KMT2C: variants seen among roughly 807,000 people sequenced by gnomAD.
The protein encoded by KMT2C is lysine methyltransferase 2C, also known as histone-lysine N-methyltransferase 2C.
In KMT2C, 88 loss-of-function variants were observed where a neutral mutation model predicts 507.9. The observed-to-expected ratio is 0.17, with a 90% CI of 0.15 to 0.21. The LOEUF (loss-of-function observed/expected upper bound fraction) is 0.21, where lower values mean the gene tolerates loss of function less well. KMT2C is among the 10% of genes least tolerant of loss of function. The pLI is 1.00. For synonymous variants in KMT2C, 2,049 were observed against 2,080.8 expected (o/e 0.98, Z 0.42); for missense variants, 4,954 against 5,957.8 (o/e 0.83, Z 5.55).
intron 9 of KMT2C, among the ~76,000 whole-genome samples, chr7:152,258,114 T>C (rs927872904): frequency 2.0e-5 from 3 of 152,136 alleles, no homozygotes; most frequent in Non-Finnish European, 4.4e-5. Context: ...GGAATCTGGG[T>C]TACTTATTTA....
At chr7:152,362,304 G>C (rs1173660723) in intron 1 of KMT2C, among the ~76,000 whole-genome samples, 1 of 152,110 alleles carries the variant, frequency 6.6e-6, no homozygotes, top group Non-Finnish European at 1.5e-5. Context: ...GAGAGCAAGT[G>C]AGGGGGGTTA....
At chr7:152,377,232 AT>A (rs2097335757) in intron 1 of KMT2C, among the ~76,000 whole-genome samples, 1 of 132,572 alleles carries the variant, frequency 7.5e-6, no homozygotes, top group East Asian at 2.3e-4. Context: ...CTTACTGAAT[AT>A]TTTCAGTCCA....
chr7:152,148,819 T>A lies in KMT2C; in HGVS notation c.13108A>T (p.Thr4370Ser). 1 of 1,614,222 alleles carries A rather than the reference T, an allele frequency of 6.2e-7. No homozygotes were observed. Among genetic ancestry groups the A allele is most frequent in the Non-Finnish European group, 8.5e-7 (1 of 1,180,030 alleles). The change falls in exon 52 of 59, where the codon ACA (threonine) becomes TCA (serine). Residue 4370 changes from threonine to serine, a missense_variant. Transcript: ENST00000262189. The surrounding 1 kb of genome is among the most constrained non-coding windows in gnomAD (Gnocchi z 7.1). ...TCATCCTCACAAGGTGGTTTAAATG[T>A]CCCCTTAGGGATTACAATATGAATG... ...WSIHIVIPKG[T>S]FKPPCEDEID...
intron 2 of KMT2C, among the ~76,000 whole-genome samples, chr7:152,339,945 TAGTTATC>T: frequency 6.6e-6 from 1 of 152,098 alleles, no homozygotes; most frequent in Admixed American, 6.6e-5. Flanking sequence ...CATTATCGAC[TAGTTATC>T]CAAAAAATAT....
chr7:152,166,097 T>C (rs1010189406), intron 42 of KMT2C, among the ~76,000 whole-genome samples: 3 of 151,886 alleles, frequency 2.0e-5, no homozygotes, highest in African/African-American at 4.8e-5. Context: ...AAGTGCTTCC[T>C]ACAGTGTTCA....
At position 152,187,320 on chromosome 7, in the gene KMT2C, A is replaced by T. The variant is rs1392350117; in HGVS notation, c.4950T>A (p.Thr1650=). Reference sequence around the variant, plus strand: ...TATTGGTGTAGAGAACTGGGGCAACAGTTGCCATTTCACCCAGAGCCTCCT... The same window carrying T: ...TATTGGTGTAGAGAACTGGGGCAACTGTTGCCATTTCACCCAGAGCCTCCT... The part of the protein sequence containing the change: ...EKEEALGEMA[T]VAPVLYTNIN... Residue 1650 remains threonine, a synonymous_variant, in exon 33 of 59, where the codon ACT becomes ACA. Transcript: ENST00000262189. 1 of 1,614,046 alleles carries T rather than the reference A, an allele frequency of 6.2e-7. No individual in the cohort carries two copies.
chr7:152,156,355 G>A lies in KMT2C; in HGVS notation c.11671-9C>T, dbSNP rs1356126658. On this transcript the variant is annotated splice_polypyrimidine_tract_variant and intron_variant, in intron 44 of 58. Transcript: ENST00000262189. ...TTACTTAAATTATTCTGCTGCAGGA[G>A]ACCAAAAAATTTAAATTATATGCTA... 1.2e-6 allele frequency: 2 copies of A among 1,612,716 alleles called. No individual in the cohort carries two copies. Among genetic ancestry groups the A allele is most frequent in the African/African-American group, 2.7e-5 (2 of 74,830 alleles).
chr7:152,215,889 A>G (rs1300541964), intron 23 of KMT2C, among the ~76,000 whole-genome samples: 1 of 152,098 alleles, frequency 6.6e-6, no homozygotes, highest in Non-Finnish European at 1.5e-5. Flanking sequence ...CCAATTTTAA[A>G]TCATTTGAAT....
intron 39 of KMT2C, among the ~76,000 whole-genome samples, chr7:152,172,438 G>A (rs1337068082): frequency 1.3e-5 from 2 of 152,208 alleles, no homozygotes; most frequent in Non-Finnish European, 2.9e-5. Context: ...GCTCATGCCT[G>A]TAATTGCAGC....
intron 1 of KMT2C, among the ~76,000 whole-genome samples, chr7:152,393,088 T>A (rs2097512611): frequency 2.0e-5 from 3 of 152,026 alleles, no homozygotes; most frequent in African/African-American, 7.2e-5. Flanking sequence ...CAGAGTGAGA[T>A]CCTACCTCAA....
intron 2 of KMT2C, among the ~76,000 whole-genome samples, chr7:152,341,665 A>T (rs2096994004): frequency 6.6e-6 from 1 of 152,216 alleles, no homozygotes; most frequent in Admixed American, 6.5e-5. Flanking sequence ...TATAATTTTA[A>T]ATAATATACT....
At chr7:152,139,283 G>A (rs763776075) in intron 56 of KMT2C, 24 bp from the exon 57 acceptor site, 10 of 1,607,434 alleles carry the variant, frequency 6.2e-6, no homozygotes, top group Middle Eastern at 1.6e-4. Context: ...CAGTCAGTAA[G>A]TCATCAATGT....
At position 152,141,339 on chromosome 7, in the gene KMT2C, A is replaced by G. The variant is rs150379845; in HGVS notation, c.14344-1548T>C. On this transcript the variant is annotated intron_variant, in intron 55 of 58. Transcript: ENST00000262189. Reference sequence around the variant, plus strand: ...ACTCCATCTCAGAAAAGAGAAATAGATCCCTGCATGTATGAAAATCTAACG... The same window carrying G: ...ACTCCATCTCAGAAAAGAGAAATAGGTCCCTGCATGTATGAAAATCTAACG... 2.2e-3 allele frequency among the ~76,000 whole-genome samples: 339 copies of G among 151,912 alleles called. 3 individuals are homozygous for G. Among genetic ancestry groups the G allele is most frequent in the Middle Eastern group, 0.01 (3 of 292 alleles).
Position 152,222,646 on chromosome 7 carries a change from C to G in KMT2C, c.3360G>C (p.Glu1120Asp). The change falls in exon 21 of 59, where the codon GAG becomes GAC. Residue 1120 changes from glutamate to aspartate, a missense_variant. Physicochemically the swap from Glu to Asp is conservative, Grantham distance 45. Around this residue, in one of 29 missense-constraint regions of KMT2C, gnomAD observed 52 missense variants for 162.4 expected, o/e 0.32. Transcript: ENST00000262189. ...TGTCTGCTACATTTTCCACTTCTTC[C>G]TCAGTATTTAAGTTCTGACAAACTG... The part of the protein sequence containing the change: ...MHAVCQNLNT[E>D]EEVENVADIG... 1 of 1,610,070 alleles carries G rather than the reference C, an allele frequency of 6.2e-7. No homozygotes were observed. The highest frequency in any genetic ancestry group is 8.5e-7 in the Non-Finnish European group (1 of 1,178,240).
intron 39 of KMT2C, among the ~76,000 whole-genome samples, chr7:152,173,348 G>A (rs555092771): frequency 6.6e-6 from 1 of 152,064 alleles, no homozygotes; most frequent in Non-Finnish European, 1.5e-5. Context: ...TTACTTTATT[G>A]ACAGAGGTTC....
intron 7 of KMT2C, among the ~76,000 whole-genome samples, chr7:152,272,892 A>G (rs146778032): frequency 8.5e-5 from 13 of 152,302 alleles, no homozygotes; most frequent in Non-Finnish European, 1.6e-4. Flanking sequence ...AACATTGCTA[A>G]GGAACAGATA....
At chr7:152,432,906 G>T (rs1397047998) in intron 1 of KMT2C, among the ~76,000 whole-genome samples, 2 of 151,936 alleles carry the variant, frequency 1.3e-5, no homozygotes, top group Non-Finnish European at 2.9e-5. Context: ...TGGCACTTTG[G>T]GAGGCTGAGG....
rs1413558934 is a variant in KMT2C at position 152,412,172 on chromosome 7, C to CAGGCTGATCACTTG, written c.161+23440_161+23453dup. ...ATCCCAGCAGTTTAGGAGGCCAAGG[C>CAGGCTGATCACTTG]AGGCTGATCACTTGAGGCAAGAGTT... is the stretch of plus-strand genomic sequence containing the variant. On this transcript the variant is annotated intron_variant, in intron 1 of 58. Coordinates refer to ENST00000262189, the MANE Select transcript of KMT2C (RefSeq NM_170606.3). 2.6e-5 allele frequency among the ~76,000 whole-genome samples: 4 copies of CAGGCTGATCACTTG among 152,242 alleles called. No homozygotes were observed. The East Asian group carries it at 5.8e-4, about 22-fold the overall frequency.
intron 9 of KMT2C, among the ~76,000 whole-genome samples, chr7:152,257,152 C>T (rs1367032848): frequency 6.6e-6 from 1 of 152,144 alleles, no homozygotes; most frequent in Non-Finnish European, 1.5e-5. Context: ...CACAGATACA[C>T]AATGGAGTGC....
Sources: allele counts gnomAD v4.1 joint callset (sites outside exome capture counted in the v4.1 genomes callset), GRCh38; gene constraint gnomAD v4.1.1; regional missense constraint gnomAD v4.1.1; non-coding constraint Gnocchi (gnomAD v3.1); transcripts MANE v1.5; gene names NCBI Gene and HGNC (gene_info 2026-07-23, HGNC 2026-07-21).